Variants in MCF2L2 observed in about 807,000 individuals in gnomAD.
MCF2L2 encodes MCF.2 cell line derived transforming sequence-like 2, also known as probable guanine nucleotide exchange factor MCF2L2.
Under a neutral mutation model 150.2 loss-of-function variants are expected in MCF2L2, and 102 were observed. The observed-to-expected ratio is 0.68, with a 90% CI of 0.58 to 0.80. MCF2L2 has a LOEUF of 0.80. MCF2L2 is among the 30% of genes least tolerant of loss of function. The probability of loss-of-function intolerance (pLI) is 0.00; values close to 1 mark genes in which losing one functional copy is unlikely to be tolerated. For missense variants in MCF2L2, 1,256 were observed against 1,372.8 expected, an observed-to-expected ratio of 0.91 and a Z score of 1.34; for synonymous variants, 465 against 491.3, an observed-to-expected ratio of 0.95 and a Z score of 0.71.
At chr3:183,264,395 T>C (rs1333680023) in intron 15 of MCF2L2, among the ~76,000 whole-genome samples, 1 of 152,240 alleles carries the variant, frequency 6.6e-6, no homozygotes, top group Non-Finnish European at 1.5e-5. Context: ...AGACACACTG[T>C]ACCTTACCAG....
intron 22 of MCF2L2, among the ~76,000 whole-genome samples, chr3:183,212,700 A>T (rs1351982837): frequency 6.6e-6 from 1 of 152,132 alleles, no homozygotes; most frequent in Admixed American, 6.5e-5. Context: ...AAGAAGCAGG[A>T]AACATCTGTA....
chr3:183,190,400 G>A lies in MCF2L2; in HGVS notation c.3016+2599C>T, dbSNP rs544462893. Among the ~76,000 whole-genome samples the A allele has an allele frequency of 4.6e-5, 7 of 152,256 alleles. No individual in the cohort carries two copies. The East Asian group carries it at 7.7e-4, about 17-fold the overall frequency. ...TTCTGGGACCCCTCCTGCTACTAAC[G>A]GTCTTCAGTCAGGTTCCCCAGAAGC... On this transcript the variant is annotated intron_variant, in intron 27 of 29. Transcript: ENST00000328913.
rs940132320 is a variant in MCF2L2, at chr3:183,398,536, A to T, written c.77-8757T>A. Among the ~76,000 whole-genome samples the T allele has an allele frequency of 1.9e-4, 28 of 151,288 alleles. No individual in the cohort carries two copies. In the East Asian group the frequency reaches 5.2e-3, roughly 28 times the overall value. Reference sequence around the variant, plus strand: ...ATTAATATAATATATTTATAATCATATGTTATAAATATAATATGCTTTTTT... The same window carrying T: ...ATTAATATAATATATTTATAATCATTTGTTATAAATATAATATGCTTTTTT... On this transcript the variant is annotated intron_variant, in intron 1 of 29. Transcript: ENST00000328913.
chr3:183,295,209 G>T, intron 13 of MCF2L2, 91 bp downstream of exon 13: 2 of 1,320,928 alleles, frequency 1.5e-6, no homozygotes, highest in South Asian at 2.9e-5. Flanking sequence ...TTAAAACAGC[G>T]ACCATTATCC....
chr3:183,264,000 G>C (rs548193565), intron 15 of MCF2L2, among the ~76,000 whole-genome samples: 1 of 152,222 alleles, frequency 6.6e-6, no homozygotes, highest in African/African-American at 2.4e-5. Flanking sequence ...CCAGCGTCCT[G>C]ATCTTCAGGC....
At chr3:183,385,817 G>A (rs1037073905) in intron 2 of MCF2L2, among the ~76,000 whole-genome samples, 2 of 152,182 alleles carry the variant, frequency 1.3e-5, no homozygotes, top group Non-Finnish European at 2.9e-5. Flanking sequence ...GAATGGCTGT[G>A]TGACAGAATT....
At chr3:183,374,946 A>T (rs1211175711) in intron 3 of MCF2L2, 1 of 152,224 alleles carries the variant, frequency 6.6e-6, no homozygotes, top group Non-Finnish European at 1.5e-5. Context: ...CTTGAGAGTA[A>T]CAAGGCACAT....
At chr3:183,259,844 A>G (rs1245476999) in intron 15 of MCF2L2, among the ~76,000 whole-genome samples, 1 of 152,112 alleles carries the variant, frequency 6.6e-6, no homozygotes, top group Admixed American at 6.5e-5. Context: ...TGAGACCAAG[A>G]AGAAGAAGGA....
At chr3:183,262,853 G>A (rs1725746827) in intron 15 of MCF2L2, among the ~76,000 whole-genome samples, 1 of 152,110 alleles carries the variant, frequency 6.6e-6, no homozygotes, top group Non-Finnish European at 1.5e-5. Context: ...TGCCATTTGT[G>A]GTGACGCTGC....
intron 15 of MCF2L2, among the ~76,000 whole-genome samples, chr3:183,252,099 G>A (rs1560368804): frequency 6.6e-6 from 1 of 151,128 alleles, no homozygotes; most frequent in Non-Finnish European, 1.5e-5. Context: ...GCTCATGTAT[G>A]TGGAACATAT....
At chr3:183,216,393 A>G (rs1722912991) in intron 21 of MCF2L2, among the ~76,000 whole-genome samples, 1 of 144,930 alleles carries the variant, frequency 6.9e-6, no homozygotes, top group Admixed American at 7.0e-5. Flanking sequence ...TCAGCTATAT[A>G]GCTGAATTCT....
chr3:183,325,103 T>A (rs1343793401), intron 5 of MCF2L2, among the ~76,000 whole-genome samples: 4 of 111,074 alleles, frequency 3.6e-5, no homozygotes, highest in Non-Finnish European at 5.1e-5. Flanking sequence ...AACATCATAC[T>A]CCGGGGACTG....
intron 15 of MCF2L2, among the ~76,000 whole-genome samples, chr3:183,255,053 G>A (rs565864251): frequency 2.0e-5 from 3 of 152,350 alleles, no homozygotes; most frequent in African/African-American, 7.2e-5. Context: ...CACAGTGGCC[G>A]ATGGTGGCCT....
intron 13 of MCF2L2, 31 bp downstream of exon 13, chr3:183,295,269 C>A (rs1171381690): frequency 2.5e-6 from 4 of 1,576,056 alleles, no homozygotes; most frequent in Non-Finnish European, 3.4e-6. Context: ...AACACAAAAG[C>A]CACAAAGCTT....
intron 25 of MCF2L2, among the ~76,000 whole-genome samples, chr3:183,202,139 A>G (rs950458880): frequency 4.6e-5 from 7 of 152,088 alleles, no homozygotes; most frequent in African/African-American, 1.7e-4. Context: ...TTCTTAGAGA[A>G]TTATCATTAT....
In MCF2L2 at chr3:183,389,769, C is replaced by T. The variant is rs61752076; in HGVS notation, c.87G>A (p.Met29Ile). 2,792 of 1,613,660 alleles carry T rather than the reference C, an allele frequency of 1.7e-3. 10 individuals carry two copies. Among genetic ancestry groups the T allele is most frequent in the Middle Eastern group, 0.012 (72 of 6,062 alleles). ...ATVITHVDEI[M>I]QQEVRPLMAV... ...CCATCAGGGGTCTGACTTCCTGCTG[C>T]ATAATTTCATCTGCACAAATGAAAT... The change falls in exon 2 of 30, where the codon ATG becomes ATA. Residue 29 changes from methionine to isoleucine, a missense_variant. Physicochemically the swap from Met to Ile is conservative, Grantham distance 10. Transcript: ENST00000328913.
intron 3 of MCF2L2, chr3:183,379,059 T>G: frequency 2.2e-6 from 1 of 448,038 alleles, no homozygotes; most frequent in Non-Finnish European, 3.9e-6. Context: ...CCGACCATGT[T>G]TACTCTGTCC....
intron 3 of MCF2L2, chr3:183,376,712 A>G (rs1446452266): frequency 6.6e-6 from 1 of 152,374 alleles, no homozygotes; most frequent in African/African-American, 2.4e-5. Flanking sequence ...AATGTTTTAC[A>G]TGGCACAAGA....
At chr3:183,257,683 A>G (rs1560374946) in intron 15 of MCF2L2, among the ~76,000 whole-genome samples, 1 of 152,228 alleles carries the variant, frequency 6.6e-6, no homozygotes, top group Non-Finnish European at 1.5e-5. Flanking sequence ...GACAATGTCC[A>G]GAATGGGACG....
Sources: allele counts gnomAD v4.1 joint callset (sites outside exome capture counted in the v4.1 genomes callset), GRCh38; gene constraint gnomAD v4.1.1; transcripts MANE v1.5; gene names NCBI Gene and HGNC (gene_info 2026-07-23, HGNC 2026-07-21).